Variants in C21orf91 observed in about 807,000 individuals in gnomAD.
The protein encoded by C21orf91 is protein EURL homolog.
Under a neutral mutation model 32.9 loss-of-function variants are expected in C21orf91, and 26 were observed. That is an observed-to-expected ratio of 0.79 (90% CI 0.58 to 1.10). The LOEUF is 1.10. Among genes scored for constraint, C21orf91 ranks in the 50% least tolerant of loss-of-function variants. The pLI, the probability that C21orf91 is intolerant of heterozygous loss-of-function variation, is 0.00. For synonymous variants in C21orf91, 126 were observed against 120.4 expected (o/e 1.05, Z -0.31); for missense variants, 310 against 341.3 (o/e 0.91, Z 0.72).
intron 4 of C21orf91, among the ~76,000 whole-genome samples, chr21:17,795,004 C>CAAAA (rs56814896): frequency 9.6e-6 from 1 of 104,636 alleles, no homozygotes; most frequent in Non-Finnish European, 2.1e-5. Flanking sequence ...GATTCTGTCG[C>CAAAA]AAAAAAAAAA....
chr21:17,808,734 A>G (rs928594936), intron 2 of C21orf91, among the ~76,000 whole-genome samples: 1 of 152,224 alleles, frequency 6.6e-6, no homozygotes, highest in Non-Finnish European at 1.5e-5. Flanking sequence ...AAATGAATTA[A>G]GTCTATGAGG....
Position 17,793,084 on chromosome 21 carries a change from T to C in C21orf91, c.*331A>G, listed in dbSNP as rs1277122414. On this transcript the variant is annotated 3_prime_UTR_variant, in exon 5 of 5. Coordinates refer to ENST00000284881, the MANE Select transcript of C21orf91 (RefSeq NM_001100420.2). Reference sequence around the variant, plus strand: ...CCCTCTTAAAAATTATCTCTAGTAGTTTACACTAAGGAGTTAATCTGTTGT... The same window carrying C: ...CCCTCTTAAAAATTATCTCTAGTAGCTTACACTAAGGAGTTAATCTGTTGT... 1.2e-5 allele frequency: 2 copies of C among 162,542 alleles called. No individual in the cohort carries two copies. Among genetic ancestry groups the C allele is most frequent in the African/African-American group, 4.8e-5 (2 of 41,882 alleles). The allele number at this position is 162,542 out of a possible 1,614,324, so 10.1% of individuals were successfully genotyped here.
At chr21:17,814,316 T>C (rs1338754307) in intron 2 of C21orf91, among the ~76,000 whole-genome samples, 1 of 152,168 alleles carries the variant, frequency 6.6e-6, no homozygotes, top group Non-Finnish European at 1.5e-5. Flanking sequence ...ATGATGCATA[T>C]TAGAGTATTT....
intron 2 of C21orf91, among the ~76,000 whole-genome samples, chr21:17,802,691 G>A (rs781502146): frequency 6.6e-6 from 1 of 152,200 alleles, no homozygotes; most frequent in Non-Finnish European, 1.5e-5. Context: ...TAACTTGGTA[G>A]TAATAAGTAA....
Position 17,818,194 on chromosome 21 carries a change from T to G in C21orf91, c.125A>C (p.Glu42Ala). ...FCHICFELNIEGVPKSDLLHT... is the reference protein window; with the variant it reads ...FCHICFELNIAGVPKSDLLHT... ...TCAAAACTATACTGTGTCCTTACCC[T>G]CAATATTTAGCTCAAAACAAATGTG... The change falls in exon 2 of 5, where the codon GAG (glutamate) becomes GCG (alanine). Residue 42 changes from glutamate to alanine, a missense_variant and splice_region_variant. Glu to Ala is a moderately radical substitution (Grantham distance 107). Coordinates refer to ENST00000284881, the MANE Select transcript of C21orf91 (RefSeq NM_001100420.2). 6.2e-7 allele frequency: 1 copy of G among 1,608,664 alleles called. No homozygotes were observed. The highest frequency in any genetic ancestry group is 8.5e-7 in the Non-Finnish European group (1 of 1,175,172).
In C21orf91 at chr21:17,790,528, TA is replaced by T. The variant is rs1341101096; in HGVS notation, c.*2886del. ...AACTTGACATTGAAAAAATAATCCT[TA>T]AATGTATATAAAAATGGGCACTTTG... On this transcript the variant is annotated 3_prime_UTR_variant, in exon 5 of 5. Coordinates refer to ENST00000284881, the MANE Select transcript of C21orf91 (RefSeq NM_001100420.2). 2.6e-5 allele frequency: 4 copies of T among 152,094 alleles called. No individual in the cohort carries two copies. Among genetic ancestry groups the T allele is most frequent in the African/African-American group, 4.8e-5 (2 of 41,454 alleles). 9.4% of individuals were successfully genotyped at this position (152,094 alleles called of 1,614,324 possible).
rs770625606 is a variant in C21orf91, at chr21:17,789,426, G to A, written c.*3989C>T. On this transcript the variant is annotated 3_prime_UTR_variant, in exon 5 of 5. Transcript: ENST00000284881. Reference sequence around the variant, plus strand: ...ACTAAAATTCCCCTTTGCTTTAGGTGTAGTTGAGGGAAGTTCAACTAATCT... The same window carrying A: ...ACTAAAATTCCCCTTTGCTTTAGGTATAGTTGAGGGAAGTTCAACTAATCT... 2 of 152,162 alleles carry A rather than the reference G, an allele frequency of 1.3e-5. No individual in the cohort carries two copies. Among genetic ancestry groups the A allele is most frequent in the Non-Finnish European group, 2.9e-5 (2 of 67,994 alleles). The allele number at this position is 152,162 out of a possible 1,614,324, so 9.4% of individuals were successfully genotyped here. A position where few individuals can be genotyped will look rare whatever the true frequency, so the allele number is the denominator to read the frequency against.
rs2062519856 is a variant in C21orf91, at chr21:17,796,626, T to C, written c.620A>G (p.Glu207Gly). Residue 207 changes from glutamate (E) to glycine (G), a missense_variant, in exon 3 of 5, where the codon GAG becomes GGG. Glu to Gly is a moderately conservative substitution (Grantham distance 98, BLOSUM62 -2). Transcript: ENST00000284881. ...QKKEETISSPEANVQTQHPHY... is the reference protein window; with the variant it reads ...QKKEETISSPGANVQTQHPHY... ...TGGATGCTGGGTCTGGACATTAGCC[T>C]CTGGACTAGAGATTGTCTCTTCTTT... The C allele has an allele frequency of 1.2e-6, 2 of 1,613,958 alleles. No homozygotes were observed. The highest frequency in any genetic ancestry group is 1.1e-5 in the South Asian group (1 of 91,088).
chr21:17,811,993 A>G (rs1200155595), intron 2 of C21orf91, among the ~76,000 whole-genome samples: 1 of 152,154 alleles, frequency 6.6e-6, no homozygotes, highest in South Asian at 2.1e-4. Context: ...TGTGTGATCT[A>G]AATTTTAAAC....
chr21:17,817,389 A>G (rs1271227540), intron 2 of C21orf91, among the ~76,000 whole-genome samples: 3 of 152,204 alleles, frequency 2.0e-5, no homozygotes, highest in Non-Finnish European at 4.4e-5. Context: ...AAAAAAGGAA[A>G]GAACTATTTT....
chr21:17,810,907 A>G (rs913623931), intron 2 of C21orf91: 1 of 151,972 alleles, frequency 6.6e-6, no homozygotes, highest in African/African-American at 2.4e-5. Flanking sequence ...GCATCACCCC[A>G]CTCTCTTAGG....
At chr21:17,797,399 A>C (rs1255416124) in intron 2 of C21orf91, among the ~76,000 whole-genome samples, 1 of 152,068 alleles carries the variant, frequency 6.6e-6, no homozygotes, top group East Asian at 1.9e-4. Flanking sequence ...AAAAAATACT[A>C]CTGAACCCAG....
intron 2 of C21orf91, among the ~76,000 whole-genome samples, chr21:17,812,712 A>G (rs1461719653): frequency 6.6e-6 from 1 of 152,088 alleles, no homozygotes; most frequent in Non-Finnish European, 1.5e-5. Flanking sequence ...AGGAGGCTGA[A>G]GCAGGAGAAT....
At chr21:17,813,463 T>C (rs879763755) in intron 2 of C21orf91, among the ~76,000 whole-genome samples, 1 of 152,224 alleles carries the variant, frequency 6.6e-6, no homozygotes, top group African/African-American at 2.4e-5. Context: ...GTTGGAAAGA[T>C]TGCTAAGGAG....
In C21orf91 at chr21:17,790,111, A is replaced by C. The variant is rs1288471416; in HGVS notation, c.*3304T>G. On this transcript the variant is annotated 3_prime_UTR_variant, in exon 5 of 5. Transcript: ENST00000284881. The stretch of plus-strand genomic sequence containing the variant: ...AGAATTTTACATGGTACCATTTCAA[A>C]TTTTCATGTACAAGTAACCCACTTT... The C allele has an allele frequency of 1.3e-5, 2 of 152,110 alleles. No homozygotes were observed. Among genetic ancestry groups the C allele is most frequent in the African/African-American group, 4.8e-5 (2 of 41,442 alleles). The allele number at this position is 152,110 out of a possible 1,614,324, so 9.4% of individuals were successfully genotyped here.
At chr21:17,794,874 C>T (rs2062506040) in intron 4 of C21orf91, among the ~76,000 whole-genome samples, 1 of 151,896 alleles carries the variant, frequency 6.6e-6, no homozygotes, top group Non-Finnish European at 1.5e-5. Flanking sequence ...CGAGATCAGC[C>T]TGGGCAACAT....
intron 2 of C21orf91, among the ~76,000 whole-genome samples, chr21:17,801,897 G>C (rs2062564270): frequency 6.6e-6 from 1 of 151,024 alleles, no homozygotes; most frequent in African/African-American, 2.4e-5. Flanking sequence ...TATATAGGCT[G>C]TATTTCTGTA....
Position 17,793,493 on chromosome 21 carries a change from A to C in C21orf91, c.816T>G (p.Leu272=), listed in dbSNP as rs1176518547. The C allele has an allele frequency of 6.2e-7, 1 of 1,613,210 alleles. No individual in the cohort carries two copies. Among genetic ancestry groups the C allele is most frequent in the Non-Finnish European group, 8.5e-7 (1 of 1,179,366 alleles). ...LHVRHVAIEQ[L]LKNCSKLPCL... ...ATGGTAACTTAGAACAGTTCTTCAG[A>C]AGCTGTTCGATGGCAACGTGGCGGA... The change falls in exon 5 of 5, where the codon CTT becomes CTG. Residue 272 remains leucine, a synonymous_variant. Coordinates refer to ENST00000284881, the MANE Select transcript of C21orf91 (RefSeq NM_001100420.2).
chr21:17,789,846 T>C lies in C21orf91; in HGVS notation c.*3569A>G, dbSNP rs1029286701. 4 of 152,144 alleles carry C rather than the reference T, an allele frequency of 2.6e-5. No individual in the cohort carries two copies. The highest frequency in any genetic ancestry group is 4.4e-5 in the Non-Finnish European group (3 of 67,968). 9.4% of individuals were successfully genotyped at this position (152,144 alleles called of 1,614,324 possible). A position where few individuals can be genotyped will look rare whatever the true frequency, so the allele number is the denominator to read the frequency against. The stretch of plus-strand genomic sequence containing the variant: ...ACCACAAAACTTTACTTGGTAAGAA[T>C]AAACTGTTGGGGGTTTTATCTCTTA... On this transcript the variant is annotated 3_prime_UTR_variant, in exon 5 of 5. Coordinates refer to ENST00000284881, the MANE Select transcript of C21orf91 (RefSeq NM_001100420.2).
Sources: allele counts gnomAD v4.1 joint callset (sites outside exome capture counted in the v4.1 genomes callset), GRCh38; gene constraint gnomAD v4.1.1; transcripts MANE v1.5; gene names NCBI Gene and HGNC (gene_info 2026-07-23, HGNC 2026-07-21).